The following TENM2 variants were observed in gnomAD, a reference collection of about 807,000 sequenced individuals.
TENM2 encodes the protein teneurin-2.
A neutral mutation model predicts 245.2 loss-of-function variants in TENM2; 52 were observed. That is an observed-to-expected ratio of 0.21 (90% confidence interval 0.17 to 0.27). The LOEUF (loss-of-function observed/expected upper bound fraction) is 0.27. Among genes scored for constraint, TENM2 ranks in the 10% least tolerant of loss-of-function variants. The probability of loss-of-function intolerance (pLI) is 1.00; values close to 1 mark genes in which losing one functional copy is unlikely to be tolerated. For synonymous variants in TENM2, 1,363 were observed against 1,438.9 expected (o/e 0.95, Z 1.19); for missense variants, 3,046 against 3,666.8 (o/e 0.83, Z 4.37).
chr5:168,108,140 C>T (rs1377164728), intron 9 of TENM2, among the ~76,000 whole-genome samples: 4 of 152,192 alleles, frequency 2.6e-5, no homozygotes, highest in African/African-American at 9.6e-5. Flanking sequence ...TCTAATTTGT[C>T]GGATCAATCA....
chr5:166,985,980 T>G, the TENM2 span, among the ~76,000 whole-genome samples: 2 of 152,144 alleles, frequency 1.3e-5, no homozygotes, highest in African/African-American at 4.8e-5. Context: ...AATAATGATT[T>G]AGATGTTCAA....
intron 1 of TENM2, among the ~76,000 whole-genome samples, chr5:167,364,678 C>A (rs1759932965): frequency 6.6e-6 from 1 of 151,750 alleles, no homozygotes; most frequent in African/African-American, 2.4e-5. Flanking sequence ...TTATGTAAGG[C>A]AAAATAGACT....
At chr5:167,218,200 A>G in the TENM2 span, among the ~76,000 whole-genome samples, 4 of 152,070 alleles carry the variant, frequency 2.6e-5, no homozygotes, top group Admixed American at 1.3e-4. Context: ...TTTTATCCTA[A>G]TTAGGAGGTT....
intron 2 of TENM2, among the ~76,000 whole-genome samples, chr5:167,547,508 T>G (rs535915027): frequency 6.6e-6 from 1 of 152,370 alleles, no homozygotes; most frequent in South Asian, 2.1e-4. Context: ...TTTGAAATGT[T>G]TATCTTAAAT....
intron 2 of TENM2, among the ~76,000 whole-genome samples, chr5:167,780,982 C>T (rs1372299712): frequency 6.6e-6 from 1 of 152,078 alleles, no homozygotes; most frequent in African/African-American, 2.4e-5. Flanking sequence ...CTTGCTGTTA[C>T]CTTCTATTTA....
At chr5:166,999,369 G>A in the TENM2 span, among the ~76,000 whole-genome samples, 3 of 152,186 alleles carry the variant, frequency 2.0e-5, no homozygotes, top group African/African-American at 7.2e-5. Flanking sequence ...TACTGAGAAA[G>A]TGTCTTTTAG....
At chr5:167,099,085 CAG>C in the TENM2 span, among the ~76,000 whole-genome samples, 2 of 152,106 alleles carry the variant, frequency 1.3e-5, no homozygotes, top group African/African-American at 4.8e-5. Flanking sequence ...GAAATGTTAA[CAG>C]TGTGGAATAT....
intron 2 of TENM2, among the ~76,000 whole-genome samples, chr5:167,473,854 T>G (rs1767196541): frequency 6.6e-6 from 1 of 152,092 alleles, no homozygotes. Flanking sequence ...GGTTCAGGAC[T>G]GGAGCAGTAC....
the TENM2 span, among the ~76,000 whole-genome samples, chr5:167,157,658 C>G: frequency 4.6e-5 from 7 of 152,084 alleles, no homozygotes; most frequent in African/African-American, 1.7e-4. Flanking sequence ...TATTTATTGC[C>G]ATATTAAAGC....
intron 3 of TENM2, chr5:167,952,284 C>G (rs1227370942): frequency 4.1e-6 from 2 of 485,286 alleles, no homozygotes; most frequent in Non-Finnish European, 7.4e-6. Context: ...TGTCATGTTA[C>G]TTTCATTGCA....
At chr5:167,624,671 A>C (rs2127777539) in intron 2 of TENM2, among the ~76,000 whole-genome samples, 1 of 152,308 alleles carries the variant, frequency 6.6e-6, no homozygotes, top group Non-Finnish European at 1.5e-5. Context: ...GACATATAAC[A>C]AGTTTCTCAT....
chr5:167,863,659 A>G (rs1772041640), intron 2 of TENM2, among the ~76,000 whole-genome samples: 2 of 152,112 alleles, frequency 1.3e-5, no homozygotes, highest in South Asian at 4.1e-4. Context: ...AAATAAATAA[A>G]TATTAAAAAA....
At chr5:167,022,326 T>C in the TENM2 span, among the ~76,000 whole-genome samples, 1 of 152,222 alleles carries the variant, frequency 6.6e-6, no homozygotes, top group Admixed American at 6.5e-5. Flanking sequence ...AAGTGAGGAA[T>C]CTAGCTTGCA....
intron 17 of TENM2, among the ~76,000 whole-genome samples, chr5:168,202,552 C>A (rs1008862671): frequency 1.3e-5 from 2 of 150,244 alleles, no homozygotes; most frequent in African/African-American, 4.9e-5. Flanking sequence ...GTGTTCATTT[C>A]TTGCTCCAGC....
At chr5:167,180,103 CTTTT>C in the TENM2 span, among the ~76,000 whole-genome samples, 55 of 114,952 alleles carry the variant, frequency 4.8e-4, no homozygotes, top group Non-Finnish European at 6.6e-4. Flanking sequence ...TAAGTGCTTC[CTTTT>C]TTTTTTTTTT....
chr5:167,129,791 A>C, the TENM2 span, among the ~76,000 whole-genome samples: 95 of 152,336 alleles, frequency 6.2e-4, 2 homozygotes, highest in Non-Finnish European at 1.0e-3. Context: ...CTTGACCCAC[A>C]AAGATTTACA....
chr5:168,092,091 G>A lies in TENM2; in HGVS notation c.1711+1322G>A, dbSNP rs148683435. Among the ~76,000 whole-genome samples, 90 of 152,158 alleles carry A rather than the reference G, an allele frequency of 5.9e-4. 1 individual carries two copies. The East Asian group carries it at 0.016, about 28-fold the overall frequency. On this transcript the variant is annotated intron_variant, in intron 8 of 28. Transcript: ENST00000518659. ...TTACATTTTAAGAACTTTTCTATTG[G>A]TCCCATGGATTTTCCTGAGGGGCTC...
At chr5:167,591,553 G>T (rs1029629401) in intron 2 of TENM2, among the ~76,000 whole-genome samples, 2 of 152,202 alleles carry the variant, frequency 1.3e-5, no homozygotes, top group African/African-American at 4.8e-5. Context: ...CTCAAGGCAT[G>T]TCACTCATTG....
intron 1 of TENM2, among the ~76,000 whole-genome samples, chr5:167,333,416 C>G (rs1260233670): frequency 6.6e-6 from 1 of 152,074 alleles, no homozygotes; most frequent in East Asian, 1.9e-4. Flanking sequence ...TAAAGCAAGG[C>G]CTAGTATATA....
Sources: gnomAD v4.1 joint callset for allele counts (sites outside exome capture counted in the v4.1 genomes callset) on GRCh38, gnomAD v4.1.1 for gene constraint, MANE v1.5 for transcripts, NCBI Gene and HGNC (gene_info 2026-07-23, HGNC 2026-07-21) for gene names.